Variants in ADAMTSL3 observed in about 807,000 individuals in gnomAD.
ADAMTSL3 encodes ADAMTS like 3.
A neutral mutation model predicts 201.7 loss-of-function variants in ADAMTSL3; 128 were observed. That is an observed-to-expected ratio of 0.63 (90% confidence interval 0.55 to 0.73). ADAMTSL3 has a LOEUF of 0.73. ADAMTSL3 is among the 30% of genes least tolerant of loss of function. The pLI is 0.00. For synonymous variants in ADAMTSL3, 738 were observed against 748.4 expected (o/e 0.99, Z 0.23); for missense variants, 1,990 against 2,119.6 (o/e 0.94, Z 1.20).
At chr15:83,968,345 C>T (rs1442140934) in intron 19 of ADAMTSL3, among the ~76,000 whole-genome samples, 1 of 151,932 alleles carries the variant, frequency 6.6e-6, no homozygotes, top group Admixed American at 6.6e-5. Flanking sequence ...AGAAAAAACC[C>T]CATCAAAAAG....
At chr15:84,009,077 G>T (rs1024784767) in intron 23 of ADAMTSL3, among the ~76,000 whole-genome samples, 1 of 152,138 alleles carries the variant, frequency 6.6e-6, no homozygotes, top group African/African-American at 2.4e-5. Context: ...TTCCTCACTG[G>T]TCTCCCTGCC....
intron 6 of ADAMTSL3, among the ~76,000 whole-genome samples, chr15:83,821,180 T>C (rs2063858470): frequency 6.6e-6 from 1 of 152,178 alleles, no homozygotes; most frequent in African/African-American, 2.4e-5. Flanking sequence ...AAAATATTTT[T>C]TTTTTTCCAA....
At chr15:83,802,930 A>C (rs1327009976) in intron 4 of ADAMTSL3, among the ~76,000 whole-genome samples, 1 of 152,198 alleles carries the variant, frequency 6.6e-6, no homozygotes, top group Non-Finnish European at 1.5e-5. Context: ...TAAACACTGA[A>C]CCACACACTA....
rs531169900 is a variant in ADAMTSL3, at chr15:83,944,464, G to A, written c.2490+1382G>A. On this transcript the variant is annotated intron_variant, in intron 19 of 29. Coordinates refer to ENST00000286744, the MANE Select transcript of ADAMTSL3 (RefSeq NM_207517.3). Reference sequence around the variant, plus strand: ...GAACTAACCTCAAGAAATAAGGAAGGACAGTGAGTGACATTCACAACCTGC... The same window carrying A: ...GAACTAACCTCAAGAAATAAGGAAGAACAGTGAGTGACATTCACAACCTGC... 4.6e-5 allele frequency among the ~76,000 whole-genome samples: 7 copies of A among 152,272 alleles called. No homozygotes were observed. The South Asian group carries it at 1.4e-3, about 32-fold the overall frequency.
chr15:83,697,478 C>G (rs2061701580), intron 2 of ADAMTSL3, among the ~76,000 whole-genome samples: 1 of 152,178 alleles, frequency 6.6e-6, no homozygotes, highest in African/African-American at 2.4e-5. Flanking sequence ...TATAGGTTAT[C>G]ACTTATACTT....
intron 2 of ADAMTSL3, among the ~76,000 whole-genome samples, chr15:83,694,592 C>T (rs1043160923): frequency 6.6e-6 from 1 of 152,012 alleles, no homozygotes; most frequent in South Asian, 2.1e-4. Context: ...TTTTGGGGGG[C>T]GGGCTCTAGG....
intron 3 of ADAMTSL3, among the ~76,000 whole-genome samples, chr15:83,711,549 A>G (rs1367412469): frequency 6.6e-6 from 1 of 152,258 alleles, no homozygotes; most frequent in Admixed American, 6.5e-5. Context: ...GGTCAAATGT[A>G]GTTATGCTGC....
chr15:83,777,187 C>A (rs962577354), intron 4 of ADAMTSL3, among the ~76,000 whole-genome samples: 11 of 152,328 alleles, frequency 7.2e-5, no homozygotes, highest in African/African-American at 2.6e-4. Context: ...GGCCTCCTGC[C>A]CACCCCTAGC....
chr15:83,843,756 A>G (rs1342190355), intron 7 of ADAMTSL3, among the ~76,000 whole-genome samples: 7 of 152,202 alleles, frequency 4.6e-5, no homozygotes, highest in South Asian at 2.1e-4. Flanking sequence ...GAGAATGTGC[A>G]CAAGGCTGCA....
At chr15:83,924,841 C>T (rs1435840938) in intron 17 of ADAMTSL3, among the ~76,000 whole-genome samples, 1 of 152,056 alleles carries the variant, frequency 6.6e-6, no homozygotes, top group Non-Finnish European at 1.5e-5. Context: ...AATTAGTTGC[C>T]GAAAATGTTA....
chr15:83,677,736 A>G (rs888791468), intron 2 of ADAMTSL3, among the ~76,000 whole-genome samples: 6 of 152,126 alleles, frequency 3.9e-5, no homozygotes, highest in African/African-American at 1.4e-4. Flanking sequence ...TCTATCTGGT[A>G]TATCAGTGTA....
At chr15:83,791,511 G>A (rs1303703458) in intron 4 of ADAMTSL3, among the ~76,000 whole-genome samples, 2 of 152,068 alleles carry the variant, frequency 1.3e-5, no homozygotes, top group African/African-American at 4.8e-5. Flanking sequence ...AAATGGTGTT[G>A]GGAAAACTAG....
At chr15:83,989,613 A>G (rs1460265347) in intron 22 of ADAMTSL3, among the ~76,000 whole-genome samples, 1 of 152,256 alleles carries the variant, frequency 6.6e-6, no homozygotes, top group East Asian at 1.9e-4. Flanking sequence ...TCTTCTTGGG[A>G]GGTGGACAAT....
chr15:83,872,391 A>G (rs1567204525), intron 9 of ADAMTSL3, among the ~76,000 whole-genome samples: 1 of 152,126 alleles, frequency 6.6e-6, no homozygotes, highest in Non-Finnish European at 1.5e-5. Context: ...GCCTCCACAG[A>G]CATTTATGTT....
At chr15:83,890,852 A>C (rs192990990) in intron 11 of ADAMTSL3, 1 of 154,838 alleles carries the variant, frequency 6.5e-6, no homozygotes, top group Admixed American at 6.5e-5. Context: ...CAAGTGGAAA[A>C]GGAAGCGTTC....
chr15:83,876,286 TAAC>T (rs1175951995), intron 9 of ADAMTSL3, among the ~76,000 whole-genome samples: 1 of 152,136 alleles, frequency 6.6e-6, no homozygotes, highest in East Asian at 1.9e-4. Context: ...CTGAGACATC[TAAC>T]AACTACATTT....
chr15:83,754,170 A>G (rs2062682032), intron 3 of ADAMTSL3, among the ~76,000 whole-genome samples: 1 of 152,184 alleles, frequency 6.6e-6, no homozygotes, highest in South Asian at 2.1e-4. Flanking sequence ...AGTTGCAACA[A>G]CCATAAATGT....
chr15:83,788,682 T>G (rs892672722), intron 4 of ADAMTSL3, among the ~76,000 whole-genome samples: 10 of 152,194 alleles, frequency 6.6e-5, no homozygotes, highest in Non-Finnish European at 1.3e-4. Context: ...TGCCTTGGTG[T>G]GGGTCTATGT....
At chr15:83,829,881 G>C (rs1176213281) in intron 6 of ADAMTSL3, among the ~76,000 whole-genome samples, 2 of 152,154 alleles carry the variant, frequency 1.3e-5, no homozygotes, top group African/African-American at 2.4e-5. Flanking sequence ...ATTGCACTGT[G>C]GTCTGAGAGA....
Sources: gnomAD v4.1 joint callset for allele counts (sites outside exome capture counted in the v4.1 genomes callset) on GRCh38, gnomAD v4.1.1 for gene constraint, MANE v1.5 for transcripts, NCBI Gene and HGNC (gene_info 2026-07-23, HGNC 2026-07-21) for gene names.